Variants in KIAA1671 observed in about 807,000 individuals in gnomAD.
KIAA1671 encodes KIAA1671.
KIAA1671 carries 52 observed loss-of-function variants against 131.2 expected under a neutral mutation model. The ratio of observed to expected loss-of-function variants is 0.40; its 90% CI spans 0.32 to 0.50. The LOEUF is 0.50. KIAA1671 is among the 20% of genes least tolerant of loss of function. The probability of loss-of-function intolerance (pLI) is 0.73; values close to 1 mark genes in which losing one functional copy is unlikely to be tolerated. For synonymous variants in KIAA1671, 1,003 were observed against 961.6 expected (o/e 1.04, Z -0.80); for missense variants, 2,360 against 2,364.2 (o/e 1.00, Z 0.04).
intron 6 of KIAA1671, among the ~76,000 whole-genome samples, chr22:25,146,021 T>C (rs1932873152): frequency 6.6e-6 from 1 of 152,102 alleles, no homozygotes; most frequent in Non-Finnish European, 1.5e-5. Flanking sequence ...TGCATGAGTG[T>C]GCACATGTGT....
In KIAA1671 at chr22:25,093,834, GTCTGTCTCTC is replaced by G. The variant is rs1930249565; in HGVS notation, c.4530+44474_4530+44483del. ...TCTGTCTCTCTCTCTTTCTCTCTCT[GTCTGTCTCTC>G]TCTCTCTCTCTCTCTCTCTCTCTCT... On this transcript the variant is annotated intron_variant, in intron 6 of 12. Transcript: ENST00000358431. Among the ~76,000 whole-genome samples the G allele has an allele frequency of 3.5e-4, 6 of 16,956 alleles. 1 individual carries two copies. The highest frequency in any genetic ancestry group is 1.1e-3 in the Admixed American group (2 of 1,772). 11.1% of individuals were successfully genotyped at this position (16,956 alleles called of 152,430 possible).
At chr22:25,136,810 A>G (rs1308190327) in intron 6 of KIAA1671, among the ~76,000 whole-genome samples, 1 of 152,258 alleles carries the variant, frequency 6.6e-6, no homozygotes, top group Non-Finnish European at 1.5e-5. Context: ...AACTTAGACC[A>G]ATAATGGTTT....
intron 1 of KIAA1671, among the ~76,000 whole-genome samples, chr22:24,983,560 ACT>A (rs1430388631): frequency 6.7e-6 from 1 of 148,696 alleles, no homozygotes; most frequent in Admixed American, 6.7e-5. Flanking sequence ...CTCCCATTAC[ACT>A]GAAGAAGGGC....
Position 25,145,241 on chromosome 22 carries a change from C to T in KIAA1671, c.4531-25579C>T, listed in dbSNP as rs143133936. Among the ~76,000 whole-genome samples, 47 of 152,310 alleles carry T rather than the reference C, an allele frequency of 3.1e-4. No homozygotes were observed. The East Asian group carries it at 7.9e-3, about 26-fold the overall frequency. ...CTGGAGGAAGAATAAAAAATACCAC[C>T]GGCTCTTTTCCCCAGTGGGGGTGGG... On this transcript the variant is annotated intron_variant, in intron 6 of 12. Coordinates refer to ENST00000358431, the MANE Select transcript of KIAA1671 (RefSeq NM_001145206.2).
At chr22:25,079,567 T>C (rs1292746690) in intron 6 of KIAA1671, among the ~76,000 whole-genome samples, 2 of 152,098 alleles carry the variant, frequency 1.3e-5, no homozygotes, top group African/African-American at 4.8e-5. Flanking sequence ...ACAGAGACTT[T>C]AGAAGCAGGG....
chr22:25,038,031 C>T (rs1926711751), intron 4 of KIAA1671, among the ~76,000 whole-genome samples: 1 of 152,144 alleles, frequency 6.6e-6, no homozygotes, highest in African/African-American at 2.4e-5. Context: ...AACGGGGTTT[C>T]ACCATGTTGA....
In KIAA1671 at chr22:25,177,682, GTTTA is replaced by G. The variant is rs537646115; in HGVS notation, c.5074+165_5074+168del. ...TTTTTCATGTCTTAAACACACAGGT[GTTTA>G]TTTAATTGTTCATTTAATTTTTAAG... is the stretch of plus-strand genomic sequence containing the variant. On this transcript the variant is annotated intron_variant, in intron 9 of 12. Transcript: ENST00000358431. 8.5e-5 allele frequency among the ~76,000 whole-genome samples: 13 copies of G among 152,226 alleles called. No individual in the cohort carries two copies. The East Asian group carries it at 1.2e-3, about 14-fold the overall frequency.
chr22:25,172,535 C>G (rs571001512), intron 7 of KIAA1671, among the ~76,000 whole-genome samples: 26 of 152,360 alleles, frequency 1.7e-4, no homozygotes, highest in Middle Eastern at 3.4e-3. Context: ...GTGGAAAGTT[C>G]TGCTCAAGGG....
chr22:25,169,006 A>C (rs1403232581), intron 6 of KIAA1671, among the ~76,000 whole-genome samples: 2 of 152,152 alleles, frequency 1.3e-5, no homozygotes, highest in Non-Finnish European at 2.9e-5. Context: ...ATTCCAGCAG[A>C]ATGTGCCTCC....
intron 6 of KIAA1671, among the ~76,000 whole-genome samples, chr22:25,072,539 C>T (rs182539657): frequency 2.9e-4 from 44 of 152,236 alleles, no homozygotes; most frequent in African/African-American, 9.6e-4. Flanking sequence ...GCCTGGCACA[C>T]GTGTTAACAA....
intron 6 of KIAA1671, among the ~76,000 whole-genome samples, chr22:25,159,429 G>T (rs1372953118): frequency 6.6e-6 from 1 of 152,158 alleles, no homozygotes; most frequent in African/African-American, 2.4e-5. Flanking sequence ...TCAGGTCCAG[G>T]GAGATACTGG....
chr22:25,159,353 G>A (rs777504822), intron 6 of KIAA1671, among the ~76,000 whole-genome samples: 6 of 152,146 alleles, frequency 3.9e-5, no homozygotes, highest in African/African-American at 4.8e-5. Flanking sequence ...CTGGGGCTGC[G>A]GATCATTATG....
At position 25,039,350 on chromosome 22, in the gene KIAA1671, A is replaced by G; in HGVS notation, c.2220A>G (p.Gly740=). 1 of 1,551,948 alleles carries G rather than the reference A, an allele frequency of 6.4e-7. No homozygotes were observed. Among genetic ancestry groups the G allele is most frequent in the Non-Finnish European group, 8.7e-7 (1 of 1,147,054 alleles). Residue 740 remains glycine (G), a synonymous_variant, in exon 5 of 13, where the codon GGA becomes GGG. Coordinates refer to ENST00000358431, the MANE Select transcript of KIAA1671 (RefSeq NM_001145206.2). ...GATATGACATTGTGCATGCAGTGGGAGAGCGTGTGCACAGCGAGGCCATCT... is the reference window on the plus strand; with the variant it reads ...GATATGACATTGTGCATGCAGTGGGGGAGCGTGTGCACAGCGAGGCCATCT... ...EPRYDIVHAV[G]ERVHSEAISP... is the part of the protein sequence containing the mutation.
At chr22:25,015,494 G>T (rs570724966) in intron 1 of KIAA1671, among the ~76,000 whole-genome samples, 27 of 152,230 alleles carry the variant, frequency 1.8e-4, no homozygotes, top group African/African-American at 6.5e-4. Flanking sequence ...TTGAAAAGGC[G>T]GAGGTTAAGC....
chr22:24,959,714 A>G (rs1921912837), intron 1 of KIAA1671, among the ~76,000 whole-genome samples: 1 of 152,172 alleles, frequency 6.6e-6, no homozygotes, highest in Non-Finnish European at 1.5e-5. Context: ...AGAAGAAGGA[A>G]GGGGGCAAGG....
rs1324832858 is a variant in KIAA1671, at chr22:25,158,754, G to A, written c.4531-12066G>A. 2.6e-5 allele frequency among the ~76,000 whole-genome samples: 4 copies of A among 152,116 alleles called. No individual in the cohort carries two copies. The East Asian group carries it at 7.7e-4, about 29-fold the overall frequency. ...CTCGGTCTTCTCATGCAGAAAGTGG[G>A]GATAGTAACAGTACCTGATTTCTCG... is the stretch of plus-strand genomic sequence containing the variant. On this transcript the variant is annotated intron_variant, in intron 6 of 12. Transcript: ENST00000358431.
intron 6 of KIAA1671, chr22:25,056,784 G>C (rs1226953768): frequency 7.2e-6 from 1 of 138,224 alleles, no homozygotes; most frequent in Non-Finnish European, 1.5e-5. Context: ...CTGCACTCCA[G>C]CCTGGTGACA....
intron 1 of KIAA1671, among the ~76,000 whole-genome samples, chr22:25,018,995 C>G (rs1039147954): frequency 2.0e-5 from 3 of 151,784 alleles, no homozygotes; most frequent in Non-Finnish European, 2.9e-5. Flanking sequence ...TTTATATTCA[C>G]AACACCAGCA....
intron 6 of KIAA1671, among the ~76,000 whole-genome samples, chr22:25,111,420 A>ACCGCCT (rs1431627695): frequency 2.6e-5 from 4 of 152,220 alleles, no homozygotes; most frequent in Non-Finnish European, 4.4e-5. Flanking sequence ...GGCCGCCGCC[A>ACCGCCT]CCGCCTCCGC....
Sources: gnomAD v4.1 joint callset for allele counts (sites outside exome capture counted in the v4.1 genomes callset) on GRCh38, gnomAD v4.1.1 for gene constraint, MANE v1.5 for transcripts, NCBI Gene and HGNC (gene_info 2026-07-23, HGNC 2026-07-21) for gene names.